CMTM4: variants seen among roughly 807,000 people sequenced by gnomAD.
CMTM4 encodes CKLF-like MARVEL transmembrane domain-containing protein 4.
Under a neutral mutation model 19.0 loss-of-function variants are expected in CMTM4, and 8 were observed. The ratio of observed to expected loss-of-function variants is 0.42; its 90% CI spans 0.25 to 0.76. The LOEUF is 0.76. Among genes scored for constraint, CMTM4 ranks in the 30% least tolerant of loss-of-function variants. The probability of loss-of-function intolerance (pLI) is 0.27; values close to 1 mark genes in which losing one functional copy is unlikely to be tolerated. For missense variants in CMTM4, 228 were observed against 290.2 expected (o/e 0.79, Z 1.56); for synonymous variants, 106 against 121.1 (o/e 0.88, Z 0.82).
rs1004263172 is a variant in CMTM4, at chr16:66,617,491, T to A, written c.*4567A>T. On this transcript the variant is annotated 3_prime_UTR_variant, in exon 4 of 4. Transcript: ENST00000394106. ...AGCTAAAGAGTGTACAAAATGCCAC[T>A]CACTTGCATGAAGAAGAATTAAACA... 65 of 1,428,962 alleles carry A rather than the reference T, an allele frequency of 4.5e-5. No individual in the cohort carries two copies. The highest frequency in any genetic ancestry group is 5.0e-4 in the Middle Eastern group (2 of 3,964). 88.5% of individuals were successfully genotyped at this position (1,428,962 alleles called of 1,614,324 possible).
chr16:66,610,042 AG>A (rs1404756736), downstream of CMTM4: 1 of 1,608,984 alleles, frequency 6.2e-7, no homozygotes, highest in Non-Finnish European at 8.5e-7. The surrounding 1 kb of genome is among the most constrained non-coding windows in gnomAD (Gnocchi z 4.6). Flanking sequence ...GTGCTGCAAC[AG>A]GGGCCTGCCC....
At chr16:66,601,547 A>G in the CMTM4 span, among the ~76,000 whole-genome samples, 1 of 152,194 alleles carries the variant, frequency 6.6e-6, no homozygotes, top group Non-Finnish European at 1.5e-5. Flanking sequence ...AAAAGGAGGT[A>G]CAAGTTCCCA....
chr16:66,661,674 A>C (rs1042674075), intron 1 of CMTM4, among the ~76,000 whole-genome samples: 12 of 152,206 alleles, frequency 7.9e-5, no homozygotes, highest in Admixed American at 2.0e-4. Flanking sequence ...TCACATCTGT[A>C]ATCCCAGCAC....
chr16:66,632,485 T>C (rs1204650879), intron 2 of CMTM4, among the ~76,000 whole-genome samples: 10 of 152,170 alleles, frequency 6.6e-5, no homozygotes, highest in Admixed American at 2.6e-4. Context: ...AAACTCCATA[T>C]TTACTTTCAT....
At position 66,619,030 on chromosome 16, in the gene CMTM4, G is replaced by A. The variant is rs892094739; in HGVS notation, c.*3028C>T. 33 of 985,446 alleles carry A rather than the reference G, an allele frequency of 3.3e-5. No individual in the cohort carries two copies. Among genetic ancestry groups the A allele is most frequent in the Admixed American group, 6.1e-5 (1 of 16,290 alleles). The allele number at this position is 985,446 out of a possible 1,614,324, so 61.0% of individuals were successfully genotyped here. ...TCTGTAGACAAAAGTCACCTCCCTC[G>A]GATGGCTGTTTACTTCAAATCAAAC... On this transcript the variant is annotated 3_prime_UTR_variant, in exon 4 of 4. Transcript: ENST00000394106.
chr16:66,598,634 G>C, the CMTM4 span, among the ~76,000 whole-genome samples: 2 of 152,094 alleles, frequency 1.3e-5, no homozygotes, highest in South Asian at 4.1e-4. Flanking sequence ...ACTTTTGCTT[G>C]TTCTAGAATT....
intron 3 of CMTM4, 52 bp downstream of exon 3, chr16:66,623,352 G>A: frequency 7.3e-7 from 1 of 1,369,378 alleles, no homozygotes; most frequent in Non-Finnish European, 1.0e-6. Flanking sequence ...CAGGCGAGCA[G>A]GTCACAGGAG....
At position 66,615,978 on chromosome 16, in the gene CMTM4, G is replaced by C. The variant is rs973998025; in HGVS notation, c.*6080C>G. On this transcript the variant is annotated 3_prime_UTR_variant, in exon 4 of 4. Coordinates refer to ENST00000394106, the MANE Select transcript of CMTM4 (RefSeq NM_181521.3). This position sits in a 1 kb window ranked among gnomAD's most constrained non-coding sequence, Gnocchi z 4.9. Reference sequence around the variant, plus strand: ...AGACTATTTAAATAAGCAGGAACAAGATGCAGGAGAAGCAGCAGCAGAGAG... The same window carrying C: ...AGACTATTTAAATAAGCAGGAACAACATGCAGGAGAAGCAGCAGCAGAGAG... 1 of 152,158 alleles carries C rather than the reference G, an allele frequency of 6.6e-6. No individual in the cohort carries two copies. Among genetic ancestry groups the C allele is most frequent in the African/African-American group, 2.4e-5 (1 of 41,420 alleles). 9.4% of individuals were successfully genotyped at this position (152,158 alleles called of 1,614,324 possible).
intron 1 of CMTM4, among the ~76,000 whole-genome samples, chr16:66,643,830 C>T (rs1015894561): frequency 2.6e-5 from 4 of 152,088 alleles, no homozygotes; most frequent in African/African-American, 7.2e-5. Context: ...CTCGGCTCAC[C>T]GCAACCTCTG....
intron 1 of CMTM4, among the ~76,000 whole-genome samples, chr16:66,673,705 G>GCA (rs2016754638): frequency 6.6e-6 from 1 of 152,128 alleles, no homozygotes; most frequent in African/African-American, 2.4e-5. Flanking sequence ...CATACTCCTT[G>GCA]CAGTTTACTT....
At chr16:66,602,965 T>C in the CMTM4 span, among the ~76,000 whole-genome samples, 1 of 152,222 alleles carries the variant, frequency 6.6e-6, no homozygotes, top group Non-Finnish European at 1.5e-5. Context: ...TTAATCCACA[T>C]GTAAATGTTA....
intron 2 of CMTM4, 82 bp from the exon 3 acceptor site, chr16:66,623,584 A>T: frequency 1.1e-6 from 1 of 947,954 alleles, no homozygotes; most frequent in East Asian, 2.7e-5. Context: ...TTTCAAAATA[A>T]GACCCACGAT....
chr16:66,642,279 C>G (rs1170315244), intron 1 of CMTM4, among the ~76,000 whole-genome samples: 1 of 152,130 alleles, frequency 6.6e-6, no homozygotes, highest in Non-Finnish European at 1.5e-5. Context: ...GTCACGTGAA[C>G]AAATTATACA....
rs2015578442 is a variant in CMTM4 at position 66,618,967 on chromosome 16, T to C, written c.*3091A>G. ...TCAGCTCACATTGCCAAGGAAGATG[T>C]GTATTGGGGCTGTGCAGGCTGCCAC... On this transcript the variant is annotated 3_prime_UTR_variant, in exon 4 of 4. Transcript: ENST00000394106. The C allele has an allele frequency of 3.0e-6, 3 of 985,386 alleles. No individual in the cohort carries two copies. The highest frequency in any genetic ancestry group is 4.7e-5 in the South Asian group (1 of 21,298). The allele number at this position is 985,386 out of a possible 1,614,324, so 61.0% of individuals were successfully genotyped here.
chr16:66,629,586 G>C (rs1719736132), intron 2 of CMTM4, among the ~76,000 whole-genome samples: 1 of 152,144 alleles, frequency 6.6e-6, no homozygotes, highest in African/African-American at 2.4e-5. Flanking sequence ...TATTCATAAT[G>C]AGTCCCTTTC....
intron 1 of CMTM4, among the ~76,000 whole-genome samples, chr16:66,675,402 T>A (rs1387504636): frequency 6.6e-6 from 1 of 151,156 alleles, no homozygotes; most frequent in Non-Finnish European, 1.5e-5. Context: ...TTAACAAAAA[T>A]TTTTTCCTTT....
intron 1 of CMTM4, among the ~76,000 whole-genome samples, chr16:66,673,612 C>G (rs1039913391): frequency 2.0e-5 from 3 of 152,184 alleles, no homozygotes; most frequent in Non-Finnish European, 4.4e-5. Flanking sequence ...GTGGTTTGTT[C>G]CACAGGGCCT....
intron 1 of CMTM4, among the ~76,000 whole-genome samples, chr16:66,680,824 T>G (rs1596959737): frequency 6.7e-6 from 1 of 149,758 alleles, no homozygotes; most frequent in South Asian, 2.2e-4. Flanking sequence ...CTCCACCTCT[T>G]AACTCTCTCT....
chr16:66,601,685 G>T, the CMTM4 span, among the ~76,000 whole-genome samples: 5 of 152,222 alleles, frequency 3.3e-5, no homozygotes, highest in Admixed American at 1.3e-4. Flanking sequence ...CATTCATGAA[G>T]CCCAGGCTTG....
Sources: allele counts gnomAD v4.1 joint callset (sites outside exome capture counted in the v4.1 genomes callset), GRCh38; gene constraint gnomAD v4.1.1; non-coding constraint Gnocchi (gnomAD v3.1); transcripts MANE v1.5; gene names NCBI Gene and HGNC (gene_info 2026-07-23, HGNC 2026-07-21).